Variants in CSMD1 observed in about 807,000 individuals in gnomAD.
The protein encoded by CSMD1 is CUB and Sushi multiple domains 1.
A neutral mutation model predicts 417.5 loss-of-function variants in CSMD1; 213 were observed. That is an observed-to-expected ratio of 0.51 (90% CI 0.46 to 0.57). CSMD1 has a LOEUF of 0.57. Among genes scored for constraint, CSMD1 ranks in the 20% least tolerant of loss-of-function variants. The pLI is 0.00. For synonymous variants in CSMD1, 2,862 were observed against 1,736.8 expected, an observed-to-expected ratio of 1.65 and a Z score of -16.11; for missense variants, 6,923 against 4,529.7, an observed-to-expected ratio of 1.53 and a Z score of -15.17.
intron 25 of CSMD1, among the ~76,000 whole-genome samples, chr8:3,286,302 T>C (rs572827990): frequency 5.1e-4 from 77 of 152,324 alleles, no homozygotes; most frequent in African/African-American, 1.8e-3. Flanking sequence ...TGCATGTGTC[T>C]TTATAGCAGC....
intron 3 of CSMD1, among the ~76,000 whole-genome samples, chr8:4,315,100 C>A (rs895706705): frequency 6.6e-6 from 1 of 152,136 alleles, no homozygotes; most frequent in Non-Finnish European, 1.5e-5. Flanking sequence ...GGGAAGAGGA[C>A]AGGGCTTCTT....
At position 3,039,599 on chromosome 8, in the gene CSMD1, A is replaced by G. The variant is rs76208948; in HGVS notation, c.7661-10086T>C. Among the ~76,000 whole-genome samples the G allele has an allele frequency of 1.6e-3, 236 of 151,406 alleles. 3 individuals carry two copies. In the East Asian group the frequency reaches 0.037, roughly 24 times the overall value. ...TACATTATGACAATAAACTTCCACCACTTGTACTAACCTGAGGAGGCATTT... is the reference window on the plus strand; with the variant it reads ...TACATTATGACAATAAACTTCCACCGCTTGTACTAACCTGAGGAGGCATTT... On this transcript the variant is annotated intron_variant, in intron 50 of 69. Transcript: ENST00000635120.
At chr8:4,168,077 T>A (rs1016542031) in intron 3 of CSMD1, among the ~76,000 whole-genome samples, 18 of 151,404 alleles carry the variant, frequency 1.2e-4, no homozygotes, top group African/African-American at 4.4e-4. Flanking sequence ...TGTAGGGAGC[T>A]GAAATCGCAC....
At chr8:4,363,810 TCA>T (rs1801914318) in intron 3 of CSMD1, among the ~76,000 whole-genome samples, 1 of 152,202 alleles carries the variant, frequency 6.6e-6, no homozygotes, top group South Asian at 2.1e-4. Flanking sequence ...CTTTATAAAT[TCA>T]TCACATGTTC....
chr8:4,341,757 A>G (rs1346818381), intron 3 of CSMD1, among the ~76,000 whole-genome samples: 1 of 152,136 alleles, frequency 6.6e-6, no homozygotes, highest in Non-Finnish European at 1.5e-5. Context: ...GGGTGCATTA[A>G]TAATGGTCAA....
At chr8:3,712,024 T>G (rs1047132582) in intron 6 of CSMD1, among the ~76,000 whole-genome samples, 6 of 152,200 alleles carry the variant, frequency 3.9e-5, no homozygotes, top group Admixed American at 3.9e-4. Flanking sequence ...TTCGTACTCT[T>G]GCAAACAAGT....
At chr8:4,015,590 G>A (rs995968458) in intron 4 of CSMD1, among the ~76,000 whole-genome samples, 4 of 149,828 alleles carry the variant, frequency 2.7e-5, no homozygotes, top group Admixed American at 6.7e-5. Context: ...GTGGCATCTT[G>A]GCCCAATGAC....
In CSMD1 at chr8:3,813,466, G is replaced by A. The variant is rs985297; in HGVS notation, c.819-59424C>T. Among the ~76,000 whole-genome samples, 1,283 of 152,190 alleles carry A rather than the reference G, an allele frequency of 8.4e-3. 29 individuals are homozygous for A. Among genetic ancestry groups the A allele is most frequent in the African/African-American group, 0.03 (1,248 of 41,532 alleles). ...GTCTATAAGCATGGTATTTAGTAATGTCGTATCTTTTGGACTTTTATGTGC... is the reference window on the plus strand; with the variant it reads ...GTCTATAAGCATGGTATTTAGTAATATCGTATCTTTTGGACTTTTATGTGC... On this transcript the variant is annotated intron_variant, in intron 5 of 69. Coordinates refer to ENST00000635120, the MANE Select transcript of CSMD1 (RefSeq NM_033225.6).
intron 6 of CSMD1, among the ~76,000 whole-genome samples, chr8:3,727,647 C>T (rs1802571186): frequency 2.0e-5 from 3 of 152,130 alleles, no homozygotes; most frequent in Non-Finnish European, 4.4e-5. Flanking sequence ...AGCTGGGATT[C>T]AAGTAGATGT....
intron 5 of CSMD1, among the ~76,000 whole-genome samples, chr8:3,887,057 C>A (rs1274381134): frequency 6.6e-6 from 1 of 152,152 alleles, no homozygotes; most frequent in African/African-American, 2.4e-5. Context: ...ATTTTCCCAC[C>A]TACACATCAA....
chr8:3,317,249 T>C (rs966465096), intron 23 of CSMD1, among the ~76,000 whole-genome samples: 31 of 152,318 alleles, frequency 2.0e-4, no homozygotes, highest in Middle Eastern at 3.4e-3. Flanking sequence ...TGATAACACC[T>C]GTTATGAAAT....
chr8:3,860,195 T>C (rs1464490032), intron 5 of CSMD1, among the ~76,000 whole-genome samples: 1 of 152,128 alleles, frequency 6.6e-6, no homozygotes, highest in African/African-American at 2.4e-5. Context: ...GAGTGATTCA[T>C]ATGAAAGTAG....
intron 3 of CSMD1, among the ~76,000 whole-genome samples, chr8:4,125,489 G>A (rs1021430520): frequency 8.5e-5 from 13 of 152,294 alleles, no homozygotes; most frequent in East Asian, 7.7e-4. Context: ...CGCCCCGGCC[G>A]CACTGGGTAC....
intron 36 of CSMD1, among the ~76,000 whole-genome samples, chr8:3,183,359 T>C (rs539782155): frequency 3.4e-5 from 5 of 146,046 alleles, no homozygotes; most frequent in African/African-American, 1.3e-4. Context: ...CTAATGTTTC[T>C]TAACGATACC....
chr8:4,369,867 G>T (rs913882442), intron 3 of CSMD1, among the ~76,000 whole-genome samples: 1 of 152,066 alleles, frequency 6.6e-6, no homozygotes, highest in African/African-American at 2.4e-5. Flanking sequence ...GCAGAGAGTT[G>T]GGTCTTGCTT....
chr8:3,091,608 T>G lies in CSMD1; in HGVS notation c.7193A>C (p.Gln2398Pro). Residue 2398 changes from glutamine (Q) to proline (P), a missense_variant, in exon 48 of 70, where the codon CAA becomes CCA. Transcript: ENST00000635120. The stretch of plus-strand genomic sequence containing the variant: ...ATTACTCCTGCTTGTAAAATTTGAT[T>G]GTTCAGTATGATTCCCACTTAAGAC... Reference protein sequence around the residue: ...LVVLSGNHTEQSNFTSRSNQL... With the variant: ...LVVLSGNHTEPSNFTSRSNQL... The G allele has an allele frequency of 1.2e-6, 2 of 1,611,670 alleles. No individual in the cohort carries two copies. Among genetic ancestry groups the G allele is most frequent in the Non-Finnish European group, 8.5e-7 (1 of 1,179,436 alleles).
At chr8:3,103,047 T>C (rs1815873317) in intron 46 of CSMD1, among the ~76,000 whole-genome samples, 1 of 152,216 alleles carries the variant, frequency 6.6e-6, no homozygotes, top group African/African-American at 2.4e-5. Context: ...TGGACCCATT[T>C]AGATTCAGTA....
rs559621836 is a variant in CSMD1 at position 2,960,237 on chromosome 8, C to G, written c.9702+904G>C. Among the ~76,000 whole-genome samples the G allele has an allele frequency of 5.9e-5, 9 of 152,234 alleles. No individual in the cohort carries two copies. In the South Asian group the frequency reaches 1.9e-3, roughly 32 times the overall value. ...TTGAAGTTTAAGGCAATATTTGAGACATAATAGAAAATGTGCTAGAGTCAG... is the reference window on the plus strand; with the variant it reads ...TTGAAGTTTAAGGCAATATTTGAGAGATAATAGAAAATGTGCTAGAGTCAG... On this transcript the variant is annotated intron_variant, in intron 62 of 69. Transcript: ENST00000635120.
intron 4 of CSMD1, among the ~76,000 whole-genome samples, chr8:4,018,397 T>G (rs117175106): frequency 6.6e-6 from 1 of 152,196 alleles, no homozygotes; most frequent in Admixed American, 6.5e-5. Flanking sequence ...GGCAACTTCC[T>G]GCCTCGATTC....
Sources: allele counts gnomAD v4.1 joint callset (sites outside exome capture counted in the v4.1 genomes callset), GRCh38; gene constraint gnomAD v4.1.1; transcripts MANE v1.5; gene names NCBI Gene and HGNC (gene_info 2026-07-23, HGNC 2026-07-21).